KCNC2: variants seen among roughly 807,000 people sequenced by gnomAD.
The protein encoded by KCNC2 is voltage-gated potassium channel KCNC2.
KCNC2 carries 21 observed loss-of-function variants against 44.5 expected under a neutral mutation model. That is an observed-to-expected ratio of 0.47 (90% CI 0.33 to 0.68). KCNC2 has a LOEUF of 0.68. Among genes scored for constraint, KCNC2 ranks in the 30% least tolerant of loss-of-function variants. KCNC2 has a pLI of 0.01. For synonymous variants in KCNC2, 391 were observed against 339.1 expected, an observed-to-expected ratio of 1.15 and a Z score of -1.68; for missense variants, 589 against 826.2, an observed-to-expected ratio of 0.71 and a Z score of 3.52.
chr12:75,059,518 A>G (rs935855061), intron 2 of KCNC2, among the ~76,000 whole-genome samples: 3 of 152,118 alleles, frequency 2.0e-5, no homozygotes, highest in African/African-American at 7.2e-5. Context: ...AAAGTGTAAA[A>G]CAGTGCCACT....
chr12:75,044,626 C>T (rs1880278025), intron 4 of KCNC2: 1 of 151,958 alleles, frequency 6.6e-6, no homozygotes, highest in African/African-American at 2.4e-5. Context: ...ATCGCAGTAA[C>T]AGCTCTCTTA....
intron 2 of KCNC2, among the ~76,000 whole-genome samples, chr12:75,126,185 T>A (rs920686167): frequency 6.6e-6 from 1 of 152,136 alleles, no homozygotes; most frequent in African/African-American, 2.4e-5. Flanking sequence ...TAGGGCGACA[T>A]GAATTACTTT....
intron 2 of KCNC2, among the ~76,000 whole-genome samples, chr12:75,104,949 G>T (rs1442015324): frequency 2.0e-5 from 3 of 151,994 alleles, no homozygotes; most frequent in Non-Finnish European, 4.4e-5. Context: ...AATTTTTTTA[G>T]TATCTCCCAT....
intron 2 of KCNC2, among the ~76,000 whole-genome samples, chr12:75,130,109 T>C (rs922931488): frequency 6.6e-6 from 1 of 151,870 alleles, no homozygotes; most frequent in African/African-American, 2.4e-5. Context: ...CCAAAACAGG[T>C]CCTGTACCCC....
chr12:75,066,386 T>C (rs1299674003), intron 2 of KCNC2, among the ~76,000 whole-genome samples: 5 of 152,204 alleles, frequency 3.3e-5, no homozygotes, highest in Non-Finnish European at 5.9e-5. Context: ...TTTATATGGA[T>C]GTCACTATCT....
intron 2 of KCNC2, among the ~76,000 whole-genome samples, chr12:75,052,125 C>A: frequency 6.6e-6 from 1 of 152,068 alleles, no homozygotes. Context: ...AAAAAAAGCA[C>A]TCATATAGTT....
At chr12:75,147,412 T>G (rs1271361590) in intron 2 of KCNC2, among the ~76,000 whole-genome samples, 2 of 152,132 alleles carry the variant, frequency 1.3e-5, no homozygotes, top group Non-Finnish European at 2.9e-5. Context: ...ATATTCACAC[T>G]GAATATTAGG....
intron 2 of KCNC2, among the ~76,000 whole-genome samples, chr12:75,152,497 T>C (rs1263145816): frequency 6.6e-6 from 1 of 151,968 alleles, no homozygotes; most frequent in East Asian, 1.9e-4. Flanking sequence ...CAAGTGATTA[T>C]TAAGAGTTAA....
At chr12:75,160,849 A>G (rs1253037696) in intron 2 of KCNC2, among the ~76,000 whole-genome samples, 1 of 151,830 alleles carries the variant, frequency 6.6e-6, no homozygotes, top group African/African-American at 2.4e-5. Context: ...GTAGTTCATA[A>G]TGACCAAAAA....
intron 2 of KCNC2, among the ~76,000 whole-genome samples, chr12:75,127,550 G>A (rs1888521492): frequency 6.6e-6 from 1 of 152,088 alleles, no homozygotes; most frequent in African/African-American, 2.4e-5. Context: ...GCTTCAAGAG[G>A]GCCAGGAGGC....
chr12:75,102,057 A>C (rs1361181248), intron 2 of KCNC2, among the ~76,000 whole-genome samples: 1 of 152,120 alleles, frequency 6.6e-6, no homozygotes, highest in East Asian at 1.9e-4. Flanking sequence ...CTTTGCATGC[A>C]TTGCTCTGAT....
At position 75,042,266 on chromosome 12, in the gene KCNC2, T is replaced by G. The variant is rs759882859; in HGVS notation, c.*839A>C. The G allele has an allele frequency of 1.9e-6, 3 of 1,607,234 alleles. No individual in the cohort carries two copies. The highest frequency in any genetic ancestry group is 2.5e-6 in the Non-Finnish European group (3 of 1,176,790). On this transcript the variant is annotated 3_prime_UTR_variant, in exon 5 of 5. Coordinates refer to ENST00000549446, the MANE Select transcript of KCNC2 (RefSeq NM_139137.4). ...AATTTCTGGCTAAACAATGCAAGCCTGGCTGGCAGTTACCTTTCTCTCATG... is the reference window on the plus strand; with the variant it reads ...AATTTCTGGCTAAACAATGCAAGCCGGGCTGGCAGTTACCTTTCTCTCATG...
At chr12:75,077,979 T>C (rs190072613) in intron 2 of KCNC2, among the ~76,000 whole-genome samples, 11 of 152,270 alleles carry the variant, frequency 7.2e-5, no homozygotes, top group African/African-American at 2.4e-4. Context: ...GTTATTATTG[T>C]CACATTTCCC....
intron 2 of KCNC2, among the ~76,000 whole-genome samples, chr12:75,145,890 T>G (rs1224482101): frequency 6.6e-6 from 1 of 152,122 alleles, no homozygotes; most frequent in Non-Finnish European, 1.5e-5. Context: ...CTTTTTCTTT[T>G]GTTGTTTATT....
chr12:75,077,308 C>T (rs756771333), intron 2 of KCNC2, among the ~76,000 whole-genome samples: 2 of 152,130 alleles, frequency 1.3e-5, no homozygotes, highest in Admixed American at 6.5e-5. Flanking sequence ...TGGAAAACCT[C>T]ATTAAAATCC....
chr12:75,185,905 T>C (rs1307784572), intron 2 of KCNC2, among the ~76,000 whole-genome samples: 2 of 151,416 alleles, frequency 1.3e-5, no homozygotes, highest in Non-Finnish European at 3.0e-5. Flanking sequence ...AATTAGCCGG[T>C]CATGGTGGCA....
chr12:75,191,537 T>TTTC (rs2030248045), intron 2 of KCNC2, among the ~76,000 whole-genome samples: 2 of 45,886 alleles, frequency 4.4e-5, no homozygotes, highest in South Asian at 1.9e-3. Flanking sequence ...ATTTTTTTTT[T>TTTC]TTTTTTTTTT....
At chr12:75,070,631 A>AAT (rs1003161991) in intron 2 of KCNC2, among the ~76,000 whole-genome samples, 7 of 151,394 alleles carry the variant, frequency 4.6e-5, no homozygotes, top group African/African-American at 1.7e-4. Context: ...ACTTTAAAAA[A>AAT]ATATATATAT....
At chr12:75,067,789 C>T (rs1454657488) in intron 2 of KCNC2, among the ~76,000 whole-genome samples, 1 of 152,048 alleles carries the variant, frequency 6.6e-6, no homozygotes, top group East Asian at 1.9e-4. Context: ...TTACCTGCCT[C>T]CTTCTGTTTT....
Sources: allele counts gnomAD v4.1 joint callset (sites outside exome capture counted in the v4.1 genomes callset), GRCh38; gene constraint gnomAD v4.1.1; transcripts MANE v1.5; gene names NCBI Gene and HGNC (gene_info 2026-07-23, HGNC 2026-07-21).